PCDHGA5: variants seen among roughly 807,000 people sequenced by gnomAD.
PCDHGA5 encodes the protein protocadherin gamma-A5.
Under a neutral mutation model 56.7 loss-of-function variants are expected in PCDHGA5, and 36 were observed. The observed-to-expected ratio is 0.64, with a 90% CI of 0.49 to 0.84. The LOEUF (loss-of-function observed/expected upper bound fraction) is 0.84. Among genes scored for constraint, PCDHGA5 ranks in the 40% least tolerant of loss-of-function variants. The pLI is 0.00. For synonymous variants in PCDHGA5, 563 were observed against 520.2 expected (o/e 1.08, Z -1.12); for missense variants, 1,305 against 1,201.5 (o/e 1.09, Z -1.27).
chr5:141,374,437 C>A (rs549456032), intron 1 of PCDHGA5: 1 of 1,613,846 alleles, frequency 6.2e-7, no homozygotes, highest in South Asian at 1.1e-5. Flanking sequence ...ATCTTTATCC[C>A]GTGGAAGTGG....
chr5:141,498,251 C>A (rs1277949209), intron 2 of PCDHGA5, among the ~76,000 whole-genome samples: 1 of 152,178 alleles, frequency 6.6e-6, no homozygotes, highest in African/African-American at 2.4e-5. Flanking sequence ...CAAAGCAGGG[C>A]TGGTGTTGAG....
At chr5:141,507,017 C>CACTT (rs763489200) in intron 3 of PCDHGA5, 1 of 152,206 alleles carries the variant, frequency 6.6e-6, no homozygotes, top group Non-Finnish European at 1.5e-5. Flanking sequence ...ACCGAGAAGG[C>CACTT]ACTTGCCCCA....
At chr5:141,474,143 T>C (rs933805562) in intron 1 of PCDHGA5, among the ~76,000 whole-genome samples, 5 of 152,188 alleles carry the variant, frequency 3.3e-5, no homozygotes, top group Non-Finnish European at 5.9e-5. Flanking sequence ...CAGGCCTTAT[T>C]ATCAAGAAAA....
At chr5:141,421,164 A>C (rs1304650780) in intron 1 of PCDHGA5, 9 of 1,286,298 alleles carry the variant, frequency 7.0e-6, no homozygotes, top group Non-Finnish European at 9.4e-6. Context: ...GACTTCATAG[A>C]TACATAAGCC....
rs564439931 is a variant in PCDHGA5 at position 141,490,480 on chromosome 5, C to T, written c.2422-4327C>T. On this transcript the variant is annotated intron_variant, in intron 1 of 3. Coordinates refer to ENST00000518069, the MANE Select transcript of PCDHGA5 (RefSeq NM_018918.3). The surrounding 1 kb of genome is among the most constrained non-coding windows in gnomAD (Gnocchi z 5.4). ...GCTGCTAACCAGCCAGCCTTTGGAC[C>T]GGGAGGCCACATCCCACTATATCAT... The T allele has an allele frequency of 3.5e-5, 56 of 1,614,194 alleles. No individual in the cohort carries two copies. Among genetic ancestry groups the T allele is most frequent in the Admixed American group, 1.5e-4 (9 of 60,022 alleles).
chr5:141,385,157 A>G (rs1338074749), intron 1 of PCDHGA5: 1 of 1,614,208 alleles, frequency 6.2e-7, no homozygotes, highest in East Asian at 2.2e-5. Flanking sequence ...CTGCAGACCT[A>G]TTCCCATGAG....
chr5:141,380,370 G>T (rs1427266285), intron 1 of PCDHGA5, among the ~76,000 whole-genome samples: 2 of 152,084 alleles, frequency 1.3e-5, no homozygotes, highest in Admixed American at 1.3e-4. Context: ...AGAAAAAAAA[G>T]TCCCAAAAAA....
chr5:141,383,137 C>T, intron 1 of PCDHGA5: 1 of 1,614,112 alleles, frequency 6.2e-7, no homozygotes, highest in Non-Finnish European at 8.5e-7. Context: ...CCTGAACCAG[C>T]GCAGCGGCAG....
At chr5:141,423,617 A>T (rs1426014397) in intron 1 of PCDHGA5, 3 of 1,608,486 alleles carry the variant, frequency 1.9e-6, no homozygotes, top group Admixed American at 1.7e-5. Flanking sequence ...ATAGCTGAAG[A>T]CTCAGCTATC....
At chr5:141,389,088 T>G (rs774714581) in intron 1 of PCDHGA5, 2 of 1,613,894 alleles carry the variant, frequency 1.2e-6, no homozygotes, top group Non-Finnish European at 1.7e-6. Context: ...CACGTATAAA[T>G]TAGTGACAGA....
Position 141,483,381 on chromosome 5 carries a change from G to T in PCDHGA5, c.2422-11426G>T, listed in dbSNP as rs147887550. ...AAGCTATTGCAATATTTGAAGAGAA[G>T]ATTGATAAATGCTTGAACCAGCACA... On this transcript the variant is annotated intron_variant, in intron 1 of 3. Transcript: ENST00000518069. 2.0e-3 allele frequency among the ~76,000 whole-genome samples: 305 copies of T among 152,292 alleles called. 2 individuals are homozygous for T. Among genetic ancestry groups the T allele is most frequent in the African/African-American group, 6.9e-3 (286 of 41,558 alleles).
chr5:141,475,527 C>G (rs1462406655), intron 1 of PCDHGA5, among the ~76,000 whole-genome samples: 2 of 152,172 alleles, frequency 1.3e-5, no homozygotes, highest in African/African-American at 2.4e-5. Context: ...ATGCTAAATG[C>G]CTCCTTACAA....
chr5:141,431,194 T>C lies in PCDHGA5; in HGVS notation c.2422-63613T>C. On this transcript the variant is annotated intron_variant, in intron 1 of 3. Coordinates refer to ENST00000518069, the MANE Select transcript of PCDHGA5 (RefSeq NM_018918.3). The surrounding 1 kb of genome is among the most constrained non-coding windows in gnomAD (Gnocchi z 4.8). ...AATTAGAAATAAAAATTAGTGAAAA[T>C]GCAGCCACTGAGATGCGGTTCCCTC... The C allele has an allele frequency of 6.2e-7, 1 of 1,614,124 alleles. No homozygotes were observed.
At position 141,489,503 on chromosome 5, in the gene PCDHGA5, A is replaced by T; in HGVS notation, c.2422-5304A>T. 1 of 1,614,092 alleles carries T rather than the reference A, an allele frequency of 6.2e-7. No homozygotes were observed. ...ATGAGTGGTGCCCTGGCAGTGAATC[A>T]AAAGATTGACCGAGAAAGCCTATGT... is the stretch of plus-strand genomic sequence containing the variant. On this transcript the variant is annotated intron_variant, in intron 1 of 3. Transcript: ENST00000518069. The surrounding 1 kb of genome is among the most constrained non-coding windows in gnomAD (Gnocchi z 4.5).
rs2095932484 is a variant in PCDHGA5, at chr5:141,415,751, T to TG, written c.2421+49000_2421+49001insG. 3.8e-6 allele frequency: 5 copies of TG among 1,328,726 alleles called. No homozygotes were observed. The African/African-American group carries it at 9.4e-5, about 25-fold the overall frequency. The allele number at this position is 1,328,726 out of a possible 1,614,324, so 82.3% of individuals were successfully genotyped here. On this transcript the variant is annotated intron_variant, in intron 1 of 3. Transcript: ENST00000518069. ...TGATGTTTATTAAGGTTTTTTTTTT[T>TG]TTTTTTTTTTTTTTTTTTTTTACTT... is the stretch of plus-strand genomic sequence containing the variant.
intron 2 of PCDHGA5, among the ~76,000 whole-genome samples, chr5:141,496,186 G>A (rs879940448): frequency 2.0e-5 from 3 of 152,018 alleles, no homozygotes; most frequent in Non-Finnish European, 4.4e-5. Flanking sequence ...AGCAGCCCCA[G>A]CTGCTCATTT....
intron 1 of PCDHGA5, chr5:141,412,918 G>T: frequency 2.4e-6 from 1 of 414,220 alleles, no homozygotes; most frequent in Non-Finnish European, 4.2e-6. Flanking sequence ...TATCACTTGG[G>T]TGCAGTAACT....
At chr5:141,466,508 T>C (rs2099123841) in intron 1 of PCDHGA5, among the ~76,000 whole-genome samples, 1 of 152,190 alleles carries the variant, frequency 6.6e-6, no homozygotes, top group African/African-American at 2.4e-5. Context: ...ACAGACAAGA[T>C]CATTTTTTTT....
At chr5:141,496,630 T>C (rs2099770022) in intron 2 of PCDHGA5, among the ~76,000 whole-genome samples, 1 of 152,202 alleles carries the variant, frequency 6.6e-6, no homozygotes, top group Non-Finnish European at 1.5e-5. Context: ...TCAAAAGGCT[T>C]GGGCTGCCCT....
Sources: gnomAD v4.1 joint callset for allele counts (sites outside exome capture counted in the v4.1 genomes callset) on GRCh38, gnomAD v4.1.1 for gene constraint, Gnocchi (gnomAD v3.1) non-coding constraint, MANE v1.5 for transcripts, NCBI Gene and HGNC (gene_info 2026-07-23, HGNC 2026-07-21) for gene names.